The following HUNK variants were observed in gnomAD, a reference collection of about 807,000 sequenced individuals.
HUNK encodes hormonally up-regulated neu tumor-associated kinase.
HUNK carries 21 observed loss-of-function variants against 61.0 expected under a neutral mutation model. The ratio of observed to expected loss-of-function variants is 0.34; its 90% CI spans 0.24 to 0.50. The LOEUF (loss-of-function observed/expected upper bound fraction) is 0.50, where lower values mean the gene tolerates loss of function less well. Among genes scored for constraint, HUNK ranks in the 20% least tolerant of loss-of-function variants. The pLI is 0.98. For synonymous variants in HUNK, 371 were observed against 386.1 expected, an observed-to-expected ratio of 0.96 and a Z score of 0.46; for missense variants, 772 against 945.7, an observed-to-expected ratio of 0.82 and a Z score of 2.41.
At chr21:31,938,085 G>C (rs1003016060) in intron 2 of HUNK, among the ~76,000 whole-genome samples, 7 of 152,108 alleles carry the variant, frequency 4.6e-5, no homozygotes, top group Non-Finnish European at 1.0e-4. Flanking sequence ...GAATCTGTTG[G>C]ACACCTTTTA....
At chr21:31,874,817 T>A (rs1601352873) in intron 1 of HUNK, among the ~76,000 whole-genome samples, 2 of 152,124 alleles carry the variant, frequency 1.3e-5, no homozygotes, top group Admixed American at 1.3e-4. Context: ...GGGGCACCTC[T>A]CCAGCCTTGT....
intron 7 of HUNK, among the ~76,000 whole-genome samples, chr21:31,975,975 C>T (rs1015368332): frequency 6.6e-6 from 1 of 152,206 alleles, no homozygotes; most frequent in Admixed American, 6.5e-5. Context: ...GCTGATTTAG[C>T]TCAGAATATT....
chr21:31,989,792 C>T (rs2053159451), intron 8 of HUNK, among the ~76,000 whole-genome samples: 1 of 150,614 alleles, frequency 6.6e-6, no homozygotes, highest in African/African-American at 2.4e-5. Context: ...GCAGGGAGGA[C>T]CTTCCAGATG....
intron 1 of HUNK, among the ~76,000 whole-genome samples, chr21:31,895,529 G>A (rs1405783111): frequency 6.6e-6 from 1 of 152,220 alleles, no homozygotes; most frequent in African/African-American, 2.4e-5. Flanking sequence ...GGAATGGTAC[G>A]TGGTGGTTTT....
chr21:31,999,198 G>T lies in HUNK; in HGVS notation c.*14G>T. On this transcript the variant is annotated 3_prime_UTR_variant, in exon 11 of 11. Transcript: ENST00000270112. ...ACCCAGTGCTAACTTGGGCCAGCGG[G>T]GTTTGGGGTATCTCTAGAAAACAGC... 6.3e-7 allele frequency: 1 copy of T among 1,578,472 alleles called. No individual in the cohort carries two copies. The highest frequency in any genetic ancestry group is 8.6e-7 in the Non-Finnish European group (1 of 1,162,976).
chr21:31,970,343 G>A lies in HUNK; in HGVS notation c.1010+1958G>A, dbSNP rs2053001337. 3.9e-5 allele frequency among the ~76,000 whole-genome samples: 6 copies of A among 152,172 alleles called. No homozygotes were observed. The South Asian group carries it at 1.2e-3, about 32-fold the overall frequency. ...AGAGAGGAGGTGGTTTCACTCCGTT[G>A]CCATCTAGAATTCTAGCATTTGGCT... is the stretch of plus-strand genomic sequence containing the variant. On this transcript the variant is annotated intron_variant, in intron 6 of 10. Coordinates refer to ENST00000270112, the MANE Select transcript of HUNK (RefSeq NM_014586.2).
At chr21:31,938,638 A>C (rs1242380639) in intron 2 of HUNK, among the ~76,000 whole-genome samples, 1 of 152,244 alleles carries the variant, frequency 6.6e-6, no homozygotes, top group Non-Finnish European at 1.5e-5. Context: ...AGATAAGAGG[A>C]AAAAGAAACA....
chr21:31,883,467 G>A (rs2052324016), intron 1 of HUNK, among the ~76,000 whole-genome samples: 1 of 152,002 alleles, frequency 6.6e-6, no homozygotes, highest in South Asian at 2.1e-4. Flanking sequence ...TTCTTTTGGG[G>A]TTTTGGCCTT....
intron 8 of HUNK, among the ~76,000 whole-genome samples, chr21:31,988,726 CCT>C (rs1387101198): frequency 4.1e-5 from 6 of 145,662 alleles, no homozygotes; most frequent in African/African-American, 1.3e-4. Context: ...TTTCTTTCTT[CCT>C]CTCTTTCTTC....
intron 1 of HUNK, among the ~76,000 whole-genome samples, chr21:31,901,081 G>A (rs942013078): frequency 1.1e-4 from 17 of 152,104 alleles, no homozygotes; most frequent in African/African-American, 3.9e-4. Flanking sequence ...TTATAAGGAC[G>A]CCAGTCATAT....
intron 7 of HUNK, 86 bp from the exon 8 acceptor site, chr21:31,983,440 A>C: frequency 2.3e-5 from 23 of 1,013,702 alleles, no homozygotes; most frequent in African/African-American, 3.2e-5. Flanking sequence ...CTCTCAGCCA[A>C]GCGCTGGTTT....
chr21:31,924,805 G>C lies in HUNK; in HGVS notation c.554+45G>C, dbSNP rs1235122675. On this transcript the variant is annotated intron_variant, in intron 2 of 10. Coordinates refer to ENST00000270112, the MANE Select transcript of HUNK (RefSeq NM_014586.2). The surrounding 1 kb of genome is among the most constrained non-coding windows in gnomAD (Gnocchi z 5.1). ...GGTGATCGCTGACTGTGTGCTCCGT[G>C]GGTGGCACTGGGCTGTGGCACCCTC... The C allele has an allele frequency of 2.6e-6, 4 of 1,525,318 alleles. No homozygotes were observed. The highest frequency in any genetic ancestry group is 3.5e-6 in the Non-Finnish European group (4 of 1,130,612). 94.5% of individuals were successfully genotyped at this position (1,525,318 alleles called of 1,614,324 possible). A position where few individuals can be genotyped will look rare whatever the true frequency, so the allele number is the denominator to read the frequency against.
chr21:31,970,542 C>T (rs1194914912), intron 6 of HUNK, among the ~76,000 whole-genome samples: 2 of 152,144 alleles, frequency 1.3e-5, no homozygotes, highest in African/African-American at 2.4e-5. Context: ...CCTCATTATC[C>T]ATACTCATGA....
At chr21:31,896,653 C>T (rs184231744) in intron 1 of HUNK, among the ~76,000 whole-genome samples, 6 of 152,218 alleles carry the variant, frequency 3.9e-5, no homozygotes, top group South Asian at 2.1e-4. Context: ...TACAAAACAC[C>T]GTCAAAAGAA....
At chr21:31,944,184 G>T (rs1348605096) in intron 3 of HUNK, among the ~76,000 whole-genome samples, 1 of 152,202 alleles carries the variant, frequency 6.6e-6, no homozygotes, top group Non-Finnish European at 1.5e-5. Flanking sequence ...GGTTCAGGCA[G>T]TTCTCCTGCC....
chr21:31,992,727 G>A (rs887366879), intron 9 of HUNK, among the ~76,000 whole-genome samples: 2 of 152,252 alleles, frequency 1.3e-5, no homozygotes, highest in Non-Finnish European at 2.9e-5. Flanking sequence ...AGGCAATTTA[G>A]CATCCTGCTC....
chr21:31,965,106 A>G (rs997077062), intron 5 of HUNK, among the ~76,000 whole-genome samples: 5 of 152,218 alleles, frequency 3.3e-5, no homozygotes, highest in African/African-American at 1.2e-4. Flanking sequence ...GGAGATAGAC[A>G]TTCTGAAAAG....
chr21:31,901,466 G>A (rs1053538011), intron 1 of HUNK, among the ~76,000 whole-genome samples: 2 of 152,168 alleles, frequency 1.3e-5, no homozygotes, highest in South Asian at 2.1e-4. Context: ...TTGGCTTGGT[G>A]GCAGGAATGA....
intron 4 of HUNK, among the ~76,000 whole-genome samples, chr21:31,951,661 A>AT (rs1817364707): frequency 6.6e-6 from 1 of 152,140 alleles, no homozygotes; most frequent in Non-Finnish European, 1.5e-5. Flanking sequence ...TGGAAAAAAA[A>AT]ATCCCTGTCT....
Sources: allele counts gnomAD v4.1 joint callset (sites outside exome capture counted in the v4.1 genomes callset), GRCh38; gene constraint gnomAD v4.1.1; non-coding constraint Gnocchi (gnomAD v3.1); transcripts MANE v1.5; gene names NCBI Gene and HGNC (gene_info 2026-07-23, HGNC 2026-07-21).